The following RPL13A variants were observed in gnomAD, a reference collection of about 807,000 sequenced individuals.
The protein encoded by RPL13A is ribosomal protein L13a.
A neutral mutation model predicts 30.8 loss-of-function variants in RPL13A; 4 were observed. That is an observed-to-expected ratio of 0.13 (90% CI 0.06 to 0.30). The LOEUF (loss-of-function observed/expected upper bound fraction) is 0.30, where lower values mean the gene tolerates loss of function less well. Among genes scored for constraint, RPL13A ranks in the 10% least tolerant of loss-of-function variants. RPL13A has a pLI of 1.00. For synonymous variants in RPL13A, 108 were observed against 104.2 expected (o/e 1.04, Z -0.22); for missense variants, 196 against 272.6 (o/e 0.72, Z 1.98).
Position 49,492,083 on chromosome 19 carries a change from G to A in RPL13A, c.*268G>A, listed in dbSNP as rs12985239. ...AAAGGGAGCCAGAAGACTGATTGGA[G>A]GGCCCTATCTTGTGAGTGGGGCATC... On this transcript the variant is annotated 3_prime_UTR_variant, in exon 8 of 8. Coordinates refer to ENST00000391857, the MANE Select transcript of RPL13A (RefSeq NM_012423.4). The A allele has an allele frequency of 7.7e-3, 3,285 of 429,250 alleles. 28 individuals carry two copies. Among genetic ancestry groups the A allele is most frequent in the Middle Eastern group, 0.01 (15 of 1,480 alleles). 26.6% of individuals were successfully genotyped at this position (429,250 alleles called of 1,614,324 possible).
intron 5 of RPL13A, 28 bp from the exon 6 acceptor site, chr19:49,491,012 C>T: frequency 6.2e-7 from 1 of 1,614,124 alleles, no homozygotes; most frequent in Non-Finnish European, 8.5e-7. Context: ...CCCTCCCGGG[C>T]TCTTAAGCCC....
chr19:49,491,031 C>G lies in RPL13A; in HGVS notation c.343-9C>G, dbSNP rs746725654. On this transcript the variant is annotated splice_polypyrimidine_tract_variant and intron_variant, in intron 5 of 7. Coordinates refer to ENST00000391857, the MANE Select transcript of RPL13A (RefSeq NM_012423.4). Reference sequence around the variant, plus strand: ...CCCGGGCTCTTAAGCCCCTCTCTTTCTCTAACAGAAAAAGCGGATGGTGGT... The same window carrying G: ...CCCGGGCTCTTAAGCCCCTCTCTTTGTCTAACAGAAAAAGCGGATGGTGGT... 1 of 1,614,128 alleles carries G rather than the reference C, an allele frequency of 6.2e-7. No homozygotes were observed. The highest frequency in any genetic ancestry group is 1.3e-5 in the African/African-American group (1 of 74,960).
intron 1 of RPL13A, among the ~76,000 whole-genome samples, chr19:49,488,180 G>C (rs746149078): frequency 6.6e-6 from 1 of 152,166 alleles, no homozygotes; most frequent in Admixed American, 6.5e-5. Context: ...GAGAGCTGTT[G>C]GCTGCGGGGC....
rs752770371 is a variant in RPL13A at position 49,490,301 on chromosome 19, A to AGT, written c.154+5_154+6dup. On this transcript the variant is annotated splice_donor_region_variant and intron_variant, in intron 3 of 7. Coordinates refer to ENST00000391857, the MANE Select transcript of RPL13A (RefSeq NM_012423.4). ...GGCAATTTCTACAGAAACAAGTGTA[A>AGT]GTTAGGACCTGGGAGGAGCACTGGA... The AGT allele has an allele frequency of 5.6e-6, 9 of 1,613,952 alleles. No homozygotes were observed. Among genetic ancestry groups the AGT allele is most frequent in the Non-Finnish European group, 7.6e-6 (9 of 1,179,828 alleles).
chr19:49,490,650 G>T (rs775139567), intron 4 of RPL13A, 74 bp downstream of exon 4: 2 of 1,579,254 alleles, frequency 1.3e-6, no homozygotes, highest in Non-Finnish European at 1.7e-6. Context: ...ACTCACATTC[G>T]AGTTTCCCGA....
Position 49,487,608 on chromosome 19 carries a change from CT to C in RPL13A, c.-18del. Reference sequence around the variant, plus strand: ...AGAAACCCTGCGACAAAACCTCCTCCTTTTCCAAGCGGCTGCCGAAGATGGC... The same window carrying C: ...AGAAACCCTGCGACAAAACCTCCTCCTTTCCAAGCGGCTGCCGAAGATGGC... On this transcript the variant is annotated 5_prime_UTR_variant, in exon 1 of 8. Transcript: ENST00000391857. 2 of 1,576,364 alleles carry C rather than the reference CT, an allele frequency of 1.3e-6. No individual in the cohort carries two copies. Among genetic ancestry groups the C allele is most frequent in the Non-Finnish European group, 8.6e-7 (1 of 1,161,794 alleles).
At chr19:49,488,460 C>A (rs1345166414) in intron 1 of RPL13A, among the ~76,000 whole-genome samples, 1 of 152,230 alleles carries the variant, frequency 6.6e-6, no homozygotes, top group Non-Finnish European at 1.5e-5. Context: ...GTTCACCAAG[C>A]ATGTGTCTTT....
At position 49,491,453 on chromosome 19, in the gene RPL13A, A is replaced by C. The variant is rs1268610585; in HGVS notation, c.431A>C (p.Glu144Ala). ...GCCTATCTGGGGCGCCTGGCTCACG[A>C]GGTTGGCTGGAAGTACCAGGCAGTG... ...KFAYLGRLAH[E>A]VGWKYQAVTA... The change falls in exon 7 of 8, where the codon GAG (glutamate) becomes GCG (alanine). Residue 144 changes from glutamate to alanine, a missense_variant. Coordinates refer to ENST00000391857, the MANE Select transcript of RPL13A (RefSeq NM_012423.4). The C allele has an allele frequency of 9.0e-7, 1 of 1,108,386 alleles. No homozygotes were observed. The highest frequency in any genetic ancestry group is 1.2e-6 in the Non-Finnish European group (1 of 843,114). 68.7% of individuals were successfully genotyped at this position (1,108,386 alleles called of 1,614,324 possible).
At chr19:49,489,229 C>G (rs1042307098) in intron 1 of RPL13A, among the ~76,000 whole-genome samples, 41 of 152,162 alleles carry the variant, frequency 2.7e-4, no homozygotes, top group African/African-American at 9.7e-4. Context: ...GCCACAGTGG[C>G]TCAAGCCTGT....
intron 1 of RPL13A, among the ~76,000 whole-genome samples, chr19:49,489,332 CA>C (rs918728318): frequency 1.6e-4 from 23 of 147,136 alleles, no homozygotes; most frequent in African/African-American, 2.7e-4. Flanking sequence ...CCTGACTCAA[CA>C]AAAAAAAAAG....
intron 4 of RPL13A, 61 bp downstream of exon 4, chr19:49,490,637 C>T (rs770644893): frequency 2.5e-6 from 4 of 1,582,906 alleles, no homozygotes; most frequent in South Asian, 2.2e-5. Flanking sequence ...GAGAACTTCT[C>T]CCACTCACAT....
At chr19:49,489,817 GTC>G (rs1345939778) in intron 1 of RPL13A, 31 bp from the exon 2 acceptor site, 14 of 1,504,488 alleles carry the variant, frequency 9.3e-6, no homozygotes, top group African/African-American at 7.7e-5. Flanking sequence ...GGCTGTCCTT[GTC>G]TCTGAGTCCT....
intron 6 of RPL13A, 100 bp from the exon 7 acceptor site, chr19:49,491,325 C>CAA: frequency 1.6e-6 from 2 of 1,234,050 alleles, no homozygotes; most frequent in Non-Finnish European, 2.4e-6. Context: ...GCCCAGCTGT[C>CAA]AGTCACCTCC....
chr19:49,489,228 G>T (rs549048733), intron 1 of RPL13A, among the ~76,000 whole-genome samples: 8 of 152,284 alleles, frequency 5.3e-5, no homozygotes, highest in African/African-American at 1.9e-4. Flanking sequence ...GGCCACAGTG[G>T]CTCAAGCCTG....
intron 1 of RPL13A, among the ~76,000 whole-genome samples, chr19:49,489,463 C>T (rs1044028220): frequency 5.3e-5 from 8 of 152,178 alleles, no homozygotes; most frequent in African/African-American, 1.4e-4. Context: ...TGTGCAACAG[C>T]GAGACCCTGT....
chr19:49,491,108 C>G lies in RPL13A; in HGVS notation c.402+9C>G. 1 of 1,614,088 alleles carries G rather than the reference C, an allele frequency of 6.2e-7. No individual in the cohort carries two copies. Among genetic ancestry groups the G allele is most frequent in the Non-Finnish European group, 8.5e-7 (1 of 1,180,002 alleles). ...TGAAGCCTACAAGAAAGGTGAGTCC[C>G]AGCTTACGCTGCACCATCTACTTGG... is the stretch of plus-strand genomic sequence containing the variant. On this transcript the variant is annotated intron_variant, in intron 6 of 7. Transcript: ENST00000391857.
intron 1 of RPL13A, among the ~76,000 whole-genome samples, chr19:49,488,793 C>T (rs1395391673): frequency 6.6e-6 from 1 of 152,240 alleles, no homozygotes; most frequent in Non-Finnish European, 1.5e-5. Context: ...GCAACCTCTG[C>T]TTCCCAAGTT....
rs1428999502 is a variant in RPL13A, at chr19:49,492,235, A to G, written c.*420A>G. ...CAGAAATAGACTGGGAAGATGCACA[A>G]CCAAGGGGTTACAGGCATCGCCCAT... On this transcript the variant is annotated 3_prime_UTR_variant, in exon 8 of 8. Coordinates refer to ENST00000391857, the MANE Select transcript of RPL13A (RefSeq NM_012423.4). 5.9e-6 allele frequency: 1 copy of G among 168,862 alleles called. No homozygotes were observed. Among genetic ancestry groups the G allele is most frequent in the African/African-American group, 2.4e-5 (1 of 41,822 alleles). The allele number at this position is 168,862 out of a possible 1,614,324, so 10.5% of individuals were successfully genotyped here.
chr19:49,490,165 G>T (rs565309696), intron 2 of RPL13A, 67 bp from the exon 3 acceptor site: 1 of 1,440,920 alleles, frequency 6.9e-7, no homozygotes, highest in Non-Finnish European at 9.8e-7. Context: ...TGTCTGGAGG[G>T]TGACTGCATA....
Sources: allele counts gnomAD v4.1 joint callset (sites outside exome capture counted in the v4.1 genomes callset), GRCh38; gene constraint gnomAD v4.1.1; transcripts MANE v1.5; gene names NCBI Gene and HGNC (gene_info 2026-07-23, HGNC 2026-07-21).